SWT1: variants seen among roughly 807,000 people sequenced by gnomAD.
The protein encoded by SWT1 is transcriptional protein SWT1.
A neutral mutation model predicts 107.3 loss-of-function variants in SWT1; 33 were observed. The observed-to-expected ratio is 0.31, with a 90% confidence interval of 0.23 to 0.41. The LOEUF (loss-of-function observed/expected upper bound fraction) is 0.41. Among genes scored for constraint, SWT1 ranks in the 10% least tolerant of loss-of-function variants. SWT1 has a pLI of 1.00. For missense variants in SWT1, 898 were observed against 1,028.9 expected, an observed-to-expected ratio of 0.87 and a Z score of 1.74; for synonymous variants, 345 against 348.3, an observed-to-expected ratio of 0.99 and a Z score of 0.11.
chr1:185,275,329 G>T (rs1275549158), intron 17 of SWT1, among the ~76,000 whole-genome samples: 1 of 151,374 alleles, frequency 6.6e-6, no homozygotes, highest in Admixed American at 6.6e-5. Context: ...AGAAAGAAGT[G>T]GACTGGTTGA....
chr1:185,202,551 G>A, intron 10 of SWT1, 103 bp from the exon 11 acceptor site: 2 of 978,888 alleles, frequency 2.0e-6, no homozygotes, highest in Non-Finnish European at 3.0e-6. Flanking sequence ...GGTATAGGCT[G>A]AGAATCACCT....
At chr1:185,196,878 T>A (rs777616601) in intron 10 of SWT1, among the ~76,000 whole-genome samples, 1 of 151,996 alleles carries the variant, frequency 6.6e-6, no homozygotes, top group Non-Finnish European at 1.5e-5. Context: ...TTAGAAAATA[T>A]GCAATCATGT....
At chr1:185,158,326 G>A (rs1427438168) in intron 1 of SWT1, among the ~76,000 whole-genome samples, 1 of 151,776 alleles carries the variant, frequency 6.6e-6, no homozygotes, top group African/African-American at 2.4e-5. Flanking sequence ...TCCCTGTGGA[G>A]CTTCTGTGAG....
intron 16 of SWT1, among the ~76,000 whole-genome samples, chr1:185,253,688 A>G (rs537647546): frequency 5.3e-5 from 8 of 152,200 alleles, no homozygotes; most frequent in Middle Eastern, 3.4e-3. Context: ...GGCTGAGACG[A>G]TGGGGTTTTC....
intron 16 of SWT1, among the ~76,000 whole-genome samples, chr1:185,244,501 T>C (rs1661465538): frequency 1.3e-5 from 2 of 151,976 alleles, no homozygotes; most frequent in South Asian, 4.1e-4. Context: ...AAAAAAAAGG[T>C]ATACTTGTAT....
At chr1:185,263,315 C>CA (rs945386455) in intron 16 of SWT1, 6 of 152,106 alleles carry the variant, frequency 3.9e-5, no homozygotes, top group African/African-American at 1.4e-4. Flanking sequence ...TGAGGAAACT[C>CA]AGAGTGTTGT....
At chr1:185,188,068 T>A (rs1656649042) in intron 9 of SWT1, among the ~76,000 whole-genome samples, 2 of 152,222 alleles carry the variant, frequency 1.3e-5, no homozygotes, top group Admixed American at 6.5e-5. Flanking sequence ...AAATACTTTA[T>A]ATACATTTTC....
chr1:185,210,645 G>A (rs1303922149), intron 13 of SWT1, among the ~76,000 whole-genome samples: 1 of 152,114 alleles, frequency 6.6e-6, no homozygotes, highest in Non-Finnish European at 1.5e-5. Flanking sequence ...ACAGGACAAG[G>A]ATGCCCTCTC....
chr1:185,248,145 C>T (rs1661739119), intron 16 of SWT1, among the ~76,000 whole-genome samples: 1 of 152,164 alleles, frequency 6.6e-6, no homozygotes, highest in Admixed American at 6.5e-5. Context: ...GGATATGACC[C>T]TGTAATGTAT....
At chr1:185,266,184 C>T (rs1571662810) in intron 16 of SWT1, among the ~76,000 whole-genome samples, 1 of 152,272 alleles carries the variant, frequency 6.6e-6, no homozygotes, top group Middle Eastern at 3.4e-3. Context: ...CTGCCTCAGC[C>T]TCCTGAATAG....
chr1:185,247,837 A>C (rs1001997296), intron 16 of SWT1, among the ~76,000 whole-genome samples: 5 of 152,188 alleles, frequency 3.3e-5, no homozygotes, highest in Non-Finnish European at 5.9e-5. Context: ...CATGGAACTA[A>C]ATTTTATGTA....
At chr1:185,227,892 C>G (rs1660195613) in intron 15 of SWT1, among the ~76,000 whole-genome samples, 1 of 151,860 alleles carries the variant, frequency 6.6e-6, no homozygotes, top group Non-Finnish European at 1.5e-5. Context: ...GAGTTTGAGA[C>G]CAGCCTGGGC....
chr1:185,227,381 G>A lies in SWT1; in HGVS notation c.2310-4196G>A, dbSNP rs1372194786. 16 of 708,872 alleles carry A rather than the reference G, an allele frequency of 2.3e-5. No individual in the cohort carries two copies. In the East Asian group the frequency reaches 4.1e-4, roughly 18 times the overall value. 43.9% of individuals were successfully genotyped at this position (708,872 alleles called of 1,614,324 possible). A position where few individuals can be genotyped will look rare whatever the true frequency, so the allele number is the denominator to read the frequency against. On this transcript the variant is annotated intron_variant, in intron 15 of 18. Coordinates refer to ENST00000367500, the MANE Select transcript of SWT1 (RefSeq NM_017673.7). ...TGCCAAACCTATTGAGAAGCCTGCG[G>A]GCCAGCAGCAGGCCAGTACAATATG...
chr1:185,175,202 G>GT (rs377403489), intron 5 of SWT1, 89 bp downstream of exon 5: 86,410 of 705,896 alleles, frequency 0.12, 31 homozygotes, highest in East Asian at 0.19. Flanking sequence ...ATTTTTTTCT[G>GT]TTTTTTTTTT....
chr1:185,163,476 C>T (rs942148336), intron 2 of SWT1, among the ~76,000 whole-genome samples: 1 of 151,626 alleles, frequency 6.6e-6, no homozygotes, highest in Non-Finnish European at 1.5e-5. Flanking sequence ...CCACTGCAAC[C>T]TCTGCCTCCT....
intron 16 of SWT1, among the ~76,000 whole-genome samples, chr1:185,244,239 GTCATACATA>G (rs1482517066): frequency 6.6e-6 from 1 of 152,108 alleles, no homozygotes; most frequent in Non-Finnish European, 1.5e-5. Context: ...CACCCAGCTA[GTCATACATA>G]TCTTAATGAT....
chr1:185,212,520 G>A (rs181800097), intron 13 of SWT1, among the ~76,000 whole-genome samples: 6 of 152,286 alleles, frequency 3.9e-5, no homozygotes, highest in East Asian at 3.9e-4. Flanking sequence ...CTTTGATCTC[G>A]AAGAATCTGA....
Position 185,160,931 on chromosome 1 carries a change from A to T in SWT1, c.84+6A>T, listed in dbSNP as rs749874469. The stretch of plus-strand genomic sequence containing the variant: ...CACCCAATTTTGGTGAAAAAGTAAG[A>T]ATTTTGATTTACTGACCTAGAGATA... On this transcript the variant is annotated splice_donor_region_variant and intron_variant, in intron 2 of 18. Coordinates refer to ENST00000367500, the MANE Select transcript of SWT1 (RefSeq NM_017673.7). The T allele has an allele frequency of 1.8e-5, 29 of 1,603,376 alleles. No individual in the cohort carries two copies. Among genetic ancestry groups the T allele is most frequent in the Non-Finnish European group, 2.5e-5 (29 of 1,172,270 alleles).
intron 14 of SWT1, among the ~76,000 whole-genome samples, chr1:185,217,251 G>C (rs1165394202): frequency 1.3e-5 from 2 of 152,078 alleles, no homozygotes; most frequent in African/African-American, 4.8e-5. Flanking sequence ...TAAAACAGGG[G>C]TCCACAACCC....
Sources: allele counts gnomAD v4.1 joint callset (sites outside exome capture counted in the v4.1 genomes callset), GRCh38; gene constraint gnomAD v4.1.1; transcripts MANE v1.5; gene names NCBI Gene and HGNC (gene_info 2026-07-23, HGNC 2026-07-21).